The following ATP2B2 variants were observed in gnomAD, a reference collection of about 807,000 sequenced individuals.
ATP2B2 encodes the protein plasma membrane calcium-transporting ATPase 2.
A neutral mutation model predicts 120.0 loss-of-function variants in ATP2B2; 15 were observed. The ratio of observed to expected loss-of-function variants is 0.12; its 90% confidence interval spans 0.08 to 0.19. The LOEUF (loss-of-function observed/expected upper bound fraction) is 0.19. ATP2B2 is among the 10% of genes least tolerant of loss of function. The probability of loss-of-function intolerance (pLI) is 1.00; values close to 1 mark genes in which losing one functional copy is unlikely to be tolerated. For synonymous variants in ATP2B2, 694 were observed against 700.3 expected (o/e 0.99, Z 0.14); for missense variants, 1,045 against 1,719.8 (o/e 0.61, Z 6.94).
chr3:10,403,979 AAGAGACCCC>A (rs1015300286), intron 3 of ATP2B2, among the ~76,000 whole-genome samples: 34 of 152,228 alleles, frequency 2.2e-4, no homozygotes, highest in African/African-American at 6.5e-4. Context: ...CAGAAGCTTC[AAGAGACCCC>A]AGTGGAAGCT....
chr3:10,651,701 G>GTGAA (rs2070467479), intron 1 of ATP2B2, among the ~76,000 whole-genome samples: 2 of 150,426 alleles, frequency 1.3e-5, no homozygotes, highest in Non-Finnish European at 3.0e-5. Flanking sequence ...GGATGGAAGG[G>GTGAA]TGAATGGATG....
intron 3 of ATP2B2, among the ~76,000 whole-genome samples, chr3:10,527,145 A>G (rs2067113209): frequency 6.6e-6 from 1 of 152,182 alleles, no homozygotes; most frequent in South Asian, 2.1e-4. Context: ...TGCACCTCTG[A>G]GCTGGGCAGG....
chr3:10,431,051 T>G (rs2063300020), intron 2 of ATP2B2, among the ~76,000 whole-genome samples: 3 of 151,974 alleles, frequency 2.0e-5, no homozygotes, highest in Admixed American at 2.0e-4. Flanking sequence ...CGTGAAGATA[T>G]GAGTGAATTG....
chr3:10,599,089 A>G (rs1278222509), intron 2 of ATP2B2, among the ~76,000 whole-genome samples: 1 of 152,222 alleles, frequency 6.6e-6, no homozygotes, highest in Non-Finnish European at 1.5e-5. Context: ...GGGGAGCGGA[A>G]GCAAGCCCTG....
At chr3:10,607,188 T>A (rs1036604876) in intron 2 of ATP2B2, among the ~76,000 whole-genome samples, 1 of 152,180 alleles carries the variant, frequency 6.6e-6, no homozygotes, top group African/African-American at 2.4e-5. Flanking sequence ...TGTGTGACAC[T>A]GGCCAGTTGC....
chr3:10,433,294 G>A (rs574423623), intron 2 of ATP2B2, among the ~76,000 whole-genome samples: 7 of 152,166 alleles, frequency 4.6e-5, no homozygotes, highest in Non-Finnish European at 1.0e-4. Flanking sequence ...TCAGGGATTG[G>A]CCATAGTTAT....
Position 10,402,342 on chromosome 3 carries a change from G to A in ATP2B2, c.404C>T (p.Ala135Val), listed in dbSNP as rs945844574. 3.7e-6 allele frequency: 6 copies of A among 1,612,992 alleles called. No homozygotes were observed. Among genetic ancestry groups the A allele is most frequent in the Admixed American group, 1.7e-5 (1 of 60,002 alleles). The change falls in exon 4 of 23, where the codon GCG (alanine) becomes GTG (valine). Residue 135 changes from alanine to valine, a missense_variant. Around this residue, in one of 11 missense-constraint regions of ATP2B2, gnomAD observed 35 missense variants for 37.2 expected, o/e 0.94. Transcript: ENST00000360273. This position sits in a 1 kb window ranked among gnomAD's most constrained non-coding sequence, Gnocchi z 4.9. Reference sequence around the variant, plus strand: ...ATCCTCTGCCCCACCCTGGGCCGTCGCACATCCTGAAAGACCAGATAGAAG... The same window carrying A: ...ATCCTCTGCCCCACCCTGGGCCGTCACACATCCTGAAAGACCAGATAGAAG... ...HPPGEGNEGC[A>V]TAQGGAEDEG...
At chr3:10,525,782 A>T (rs941887263) in intron 3 of ATP2B2, among the ~76,000 whole-genome samples, 5 of 152,298 alleles carry the variant, frequency 3.3e-5, no homozygotes, top group African/African-American at 1.2e-4. Flanking sequence ...TGGTACATTT[A>T]AAATTAGTGC....
chr3:10,623,076 TC>T (rs1491358177), intron 1 of ATP2B2, among the ~76,000 whole-genome samples: 4 of 146,752 alleles, frequency 2.7e-5, no homozygotes, highest in African/African-American at 7.8e-5. Context: ...TTTTTTTTTT[TC>T]CCTGAGGAAG....
chr3:10,446,284 C>A (rs921720395), intron 2 of ATP2B2, among the ~76,000 whole-genome samples: 1 of 152,200 alleles, frequency 6.6e-6, no homozygotes, highest in Non-Finnish European at 1.5e-5. Context: ...AAAACAATGA[C>A]AAGAGCTGAC....
intron 3 of ATP2B2, among the ~76,000 whole-genome samples, chr3:10,518,379 T>G (rs939319724): frequency 5.9e-5 from 9 of 152,148 alleles, no homozygotes; most frequent in African/African-American, 2.2e-4. Context: ...ACCAGGACCG[T>G]GGGTTTAGGC....
chr3:10,701,299 C>T (rs2071814158), intron 1 of ATP2B2, among the ~76,000 whole-genome samples: 2 of 152,242 alleles, frequency 1.3e-5, no homozygotes, highest in South Asian at 4.1e-4. Flanking sequence ...GCTGCACCCT[C>T]CTTATACCCT....
chr3:10,390,343 G>A (rs2061807857), intron 5 of ATP2B2, among the ~76,000 whole-genome samples: 1 of 152,208 alleles, frequency 6.6e-6, no homozygotes, highest in Non-Finnish European at 1.5e-5. Context: ...TAAGGGTTGA[G>A]GGGTTCTGGG....
chr3:10,416,771 T>C (rs2062797422), intron 2 of ATP2B2, among the ~76,000 whole-genome samples: 1 of 151,912 alleles, frequency 6.6e-6, no homozygotes, highest in Non-Finnish European at 1.5e-5. Flanking sequence ...TTTCTTTTTT[T>C]TTTTTTTAAT....
chr3:10,379,114 C>T (rs768152113), intron 9 of ATP2B2, 129 bp downstream of exon 9: 111 of 1,117,972 alleles, frequency 9.9e-5, no homozygotes, highest in Non-Finnish European at 1.1e-4. Flanking sequence ...CCCCCAAGGT[C>T]GTCAGACACC....
intron 2 of ATP2B2, among the ~76,000 whole-genome samples, chr3:10,577,265 C>T (rs1310367351): frequency 2.6e-5 from 4 of 152,278 alleles, no homozygotes; most frequent in East Asian, 1.9e-4. Flanking sequence ...GTGGCAAAAC[C>T]GCCAAGTTGC....
At chr3:10,661,736 T>A (rs888616644) in intron 1 of ATP2B2, among the ~76,000 whole-genome samples, 1 of 152,180 alleles carries the variant, frequency 6.6e-6, no homozygotes, top group African/African-American at 2.4e-5. Context: ...CTTCACAGAA[T>A]TGGAAAAAAC....
At chr3:10,627,168 T>A (rs945309464) in intron 1 of ATP2B2, among the ~76,000 whole-genome samples, 1 of 152,210 alleles carries the variant, frequency 6.6e-6, no homozygotes, top group Non-Finnish European at 1.5e-5. Flanking sequence ...ACAGTGTGGA[T>A]GGCAGGTTCT....
At chr3:10,608,073 C>T (rs777267566) in intron 2 of ATP2B2, among the ~76,000 whole-genome samples, 2 of 152,254 alleles carry the variant, frequency 1.3e-5, no homozygotes, top group Non-Finnish European at 2.9e-5. Flanking sequence ...ACCCTTGTCA[C>T]TCAAACTCGG....
Sources: allele counts gnomAD v4.1 joint callset (sites outside exome capture counted in the v4.1 genomes callset), GRCh38; gene constraint gnomAD v4.1.1; regional missense constraint gnomAD v4.1.1; non-coding constraint Gnocchi (gnomAD v3.1); transcripts MANE v1.5; gene names NCBI Gene and HGNC (gene_info 2026-07-23, HGNC 2026-07-21).